USP16: variants seen among roughly 807,000 people sequenced by gnomAD.
USP16 encodes the protein ubiquitin carboxyl-terminal hydrolase 16.
USP16 carries 77 observed loss-of-function variants against 95.9 expected under a neutral mutation model. The ratio of observed to expected loss-of-function variants is 0.80; its 90% CI spans 0.67 to 0.97. The LOEUF is 0.97. Among genes scored for constraint, USP16 ranks in the 50% least tolerant of loss-of-function variants. The pLI is 0.00. For synonymous variants in USP16, 303 were observed against 318.2 expected, an observed-to-expected ratio of 0.95 and a Z score of 0.51; for missense variants, 943 against 959.9, an observed-to-expected ratio of 0.98 and a Z score of 0.23.
chr21:29,048,020 C>G (rs1484217472), intron 14 of USP16, among the ~76,000 whole-genome samples: 1 of 144,104 alleles, frequency 6.9e-6, no homozygotes, highest in East Asian at 2.0e-4. Context: ...TACTTTTTGT[C>G]TGTATATATA....
intron 3 of USP16, among the ~76,000 whole-genome samples, chr21:29,033,178 A>G (rs1051170377): frequency 3.9e-4 from 60 of 152,216 alleles, no homozygotes; most frequent in Non-Finnish European, 1.5e-4. Flanking sequence ...TAAGAATAAG[A>G]CATGTCAGTA....
At chr21:29,048,062 T>TGC (rs982882494) in intron 14 of USP16, among the ~76,000 whole-genome samples, 1 of 144,482 alleles carries the variant, frequency 6.9e-6, no homozygotes, top group African/African-American at 2.7e-5. Context: ...TGTGTGTGTG[T>TGC]GTGTGTGTGT....
intron 2 of USP16, among the ~76,000 whole-genome samples, chr21:29,030,199 C>T (rs537524146): frequency 2.0e-5 from 3 of 152,072 alleles, no homozygotes; most frequent in South Asian, 4.2e-4. Flanking sequence ...GGCTCCTGAG[C>T]GTCTAGCACA....
chr21:29,054,170 T>G lies in USP16; in HGVS notation c.2455T>G (p.Tyr819Asp). Residue 819 changes from tyrosine to aspartate, a missense_variant, in exon 18 of 18, where the codon TAT becomes GAT. Physicochemically the swap from Tyr to Asp is radical, Grantham distance 160. Transcript: ENST00000399976. ...AAACTCACAAGCGTACCTCCTATTTTATGAGAGAATACTGTAATAATATCA... is the reference window on the plus strand; with the variant it reads ...AAACTCACAAGCGTACCTCCTATTTGATGAGAGAATACTGTAATAATATCA... ...VLNSQAYLLFYERIL is the reference protein window; with the variant it reads ...VLNSQAYLLFDERIL 1 of 1,614,036 alleles carries G rather than the reference T, an allele frequency of 6.2e-7. No individual in the cohort carries two copies. The highest frequency in any genetic ancestry group is 1.3e-5 in the African/African-American group (1 of 75,072).
intron 11 of USP16, 113 bp from the exon 12 acceptor site, chr21:29,042,358 CT>C: frequency 9.1e-7 from 1 of 1,101,568 alleles, no homozygotes; most frequent in South Asian, 1.6e-5. Flanking sequence ...TTTCTTAAGC[CT>C]TTGTTTATTT....
intron 3 of USP16, among the ~76,000 whole-genome samples, chr21:29,034,146 C>T (rs1358880760): frequency 1.3e-5 from 2 of 152,040 alleles, no homozygotes; most frequent in Non-Finnish European, 2.9e-5. Flanking sequence ...GTTTTAGGAA[C>T]ACTAAACTGA....
At chr21:29,029,544 A>G (rs896760436) in intron 2 of USP16, among the ~76,000 whole-genome samples, 1 of 152,356 alleles carries the variant, frequency 6.6e-6, no homozygotes, top group Non-Finnish European at 1.5e-5. Context: ...ATCATTGGAC[A>G]TAAAGCTAAT....
rs185766550 is a variant in USP16 at position 29,043,302 on chromosome 21, T to C, written c.1180-121T>C. The C allele has an allele frequency of 4.7e-4, 320 of 678,626 alleles. 1 individual carries two copies. In the African/African-American group the frequency reaches 5.4e-3, roughly 11 times the overall value. 42.0% of individuals were successfully genotyped at this position (678,626 alleles called of 1,614,324 possible). On this transcript the variant is annotated intron_variant, in intron 12 of 17. Transcript: ENST00000399976. ...ATTTTGTCTCATCTATTTTCAAATA[T>C]TGTGGAAAAAAAAAGCTAATACATA... is the stretch of plus-strand genomic sequence containing the variant.
At chr21:29,036,404 C>A in intron 5 of USP16, 30 bp downstream of exon 5, 3 of 1,578,454 alleles carry the variant, frequency 1.9e-6, no homozygotes, top group South Asian at 1.1e-5. Context: ...TAATATACAC[C>A]AAATGTCGAT....
At chr21:29,049,978 A>G (rs2085389334) in intron 15 of USP16, 114 bp from the exon 16 acceptor site, 3 of 920,710 alleles carry the variant, frequency 3.3e-6, no homozygotes, top group Non-Finnish European at 4.8e-6. Flanking sequence ...TCCAAAGAAA[A>G]TTGAACTAGG....
At chr21:29,039,274 A>T (rs1025489850) in intron 8 of USP16, 118 bp downstream of exon 8, 1 of 1,152,394 alleles carries the variant, frequency 8.7e-7, no homozygotes, top group African/African-American at 1.6e-5. Context: ...AACCCTCTAT[A>T]TACAAAAGGC....
chr21:29,028,323 C>A (rs1234190604), intron 2 of USP16, among the ~76,000 whole-genome samples: 1 of 150,878 alleles, frequency 6.6e-6, no homozygotes, highest in Non-Finnish European at 1.5e-5. Context: ...GACGGGGTTT[C>A]CCTGTGTTGG....
chr21:29,038,450 C>T lies in USP16; in HGVS notation c.732+20C>T. On this transcript the variant is annotated intron_variant, in intron 7 of 17. Transcript: ENST00000399976. ...TTAACAGTATGTTCTTTAAACTTTT[C>T]TAGTCTGTAACTTTCCTCTCTGAAT... The T allele has an allele frequency of 6.5e-7, 1 of 1,529,364 alleles. No homozygotes were observed. 94.7% of individuals were successfully genotyped at this position (1,529,364 alleles called of 1,614,324 possible). A position where few individuals can be genotyped will look rare whatever the true frequency, so the allele number is the denominator to read the frequency against.
intron 16 of USP16, among the ~76,000 whole-genome samples, chr21:29,051,341 G>A (rs2085410742): frequency 6.6e-6 from 1 of 152,196 alleles, no homozygotes; most frequent in Admixed American, 6.5e-5. Flanking sequence ...GAGAGGTTAG[G>A]ATGGGCCCAG....
rs1392732106 is a variant in USP16 at position 29,027,886 on chromosome 21, G to A, written c.-28G>A. The A allele has an allele frequency of 1.2e-6, 2 of 1,612,506 alleles. No homozygotes were observed. Among genetic ancestry groups the A allele is most frequent in the Admixed American group, 3.3e-5 (2 of 59,960 alleles). ...CTTGTTTTCTAGATTGTTATTTTGT[G>A]TCAGTAAGTAATCCATAAAGTGCCA... On this transcript the variant is annotated 5_prime_UTR_variant, in exon 2 of 18. Transcript: ENST00000399976.
intron 8 of USP16, 36 bp downstream of exon 8, chr21:29,039,192 A>G (rs375073301): frequency 1.1e-5 from 15 of 1,413,068 alleles, no homozygotes; most frequent in African/African-American, 1.5e-5. Flanking sequence ...TCAGTGCCTC[A>G]GTGAGATGCT....
chr21:29,024,813 C>G (rs1432712785), intron 1 of USP16, 36 bp downstream of exon 1: 1 of 1,253,246 alleles, frequency 8.0e-7, no homozygotes, highest in Non-Finnish European at 1.0e-6. Flanking sequence ...AGTCGTCGCT[C>G]GCCTGGCTTT....
At chr21:29,048,547 G>T (rs904621083) in intron 14 of USP16, among the ~76,000 whole-genome samples, 6 of 152,056 alleles carry the variant, frequency 3.9e-5, no homozygotes, top group South Asian at 2.1e-4. Context: ...TCATCAGTAA[G>T]AATTTATGGA....
chr21:29,047,237 A>G lies in USP16; in HGVS notation c.1927A>G (p.Asn643Asp). Residue 643 changes from asparagine to aspartate, a missense_variant, in exon 14 of 18, where the codon AAT (asparagine) becomes GAT (aspartate). Physicochemically the swap from Asn to Asp is conservative, Grantham distance 23. Transcript: ENST00000399976. Reference protein sequence around the residue: ...IQHCLYQFTRNEKLRDANKLL... With the variant: ...IQHCLYQFTRDEKLRDANKLL... ...ACATTGTTTATATCAGTTCACCCGT[A>G]ATGAGAAACTTCGAGATGCGAATAA... 18 of 1,614,164 alleles carry G rather than the reference A, an allele frequency of 1.1e-5. No homozygotes were observed. The highest frequency in any genetic ancestry group is 1.4e-5 in the Non-Finnish European group (17 of 1,180,022).
Sources: allele counts gnomAD v4.1 joint callset (sites outside exome capture counted in the v4.1 genomes callset), GRCh38; gene constraint gnomAD v4.1.1; transcripts MANE v1.5; gene names NCBI Gene and HGNC (gene_info 2026-07-23, HGNC 2026-07-21).